The following BAZ2A variants were observed in gnomAD, a reference collection of about 807,000 sequenced individuals.
The protein encoded by BAZ2A is bromodomain adjacent to zinc finger domain protein 2A.
A neutral mutation model predicts 199.9 loss-of-function variants in BAZ2A; 34 were observed. That is an observed-to-expected ratio of 0.17 (90% confidence interval 0.13 to 0.23). The LOEUF (loss-of-function observed/expected upper bound fraction) is 0.23, where lower values mean the gene tolerates loss of function less well. Ranked by LOEUF, BAZ2A falls within the 10% of genes least tolerant of loss-of-function variation. The probability of loss-of-function intolerance (pLI) is 1.00; values close to 1 mark genes in which losing one functional copy is unlikely to be tolerated. For synonymous variants in BAZ2A, 857 were observed against 883.9 expected (o/e 0.97, Z 0.54); for missense variants, 2,002 against 2,391.1 (o/e 0.84, Z 3.39).
At chr12:56,623,026 A>G (rs1227741570) in intron 1 of BAZ2A, among the ~76,000 whole-genome samples, 1 of 152,020 alleles carries the variant, frequency 6.6e-6, no homozygotes, top group African/African-American at 2.4e-5. Flanking sequence ...CACGAGGTCA[A>G]GAGATCGAGA....
chr12:56,609,868 G>C lies in BAZ2A; in HGVS notation c.1960C>G (p.Arg654Gly). ...TTAGTCTTAGCCTTCTCAGTGTTTC[G>C]AGGTCGACCCCGTTTGCCAGTAATT... Reference protein sequence around the residue: ...QAITGKRGRPRNTEKAKTKEV... With the variant: ...QAITGKRGRPGNTEKAKTKEV... Residue 654 changes from arginine to glycine, a missense_variant, in exon 10 of 29, where the codon CGA becomes GGA. By Grantham distance (125) the Arg-to-Gly change is moderately radical. Transcript: ENST00000549884. 1.9e-6 allele frequency: 3 copies of C among 1,613,482 alleles called. No homozygotes were observed. The highest frequency in any genetic ancestry group is 2.5e-6 in the Non-Finnish European group (3 of 1,179,792).
rs560938698 is a variant in BAZ2A, at chr12:56,627,336, G to A, written c.-3+2789C>T. Among the ~76,000 whole-genome samples, 37 of 151,520 alleles carry A rather than the reference G, an allele frequency of 2.4e-4. No individual in the cohort carries two copies. The South Asian group carries it at 5.4e-3, about 22-fold the overall frequency. On this transcript the variant is annotated intron_variant, in intron 1 of 28. Transcript: ENST00000549884. ...ACAAAAATTAGCCAGGCATGGTGGC[G>A]CATGCCTGTAATTCCAGCTACTGGA...
At chr12:56,600,554 A>C (rs1156623312) in intron 23 of BAZ2A, 64 bp from the exon 24 acceptor site, 73 of 1,573,718 alleles carry the variant, frequency 4.6e-5, no homozygotes, top group Non-Finnish European at 5.9e-5. Context: ...TAGGAAAAAA[A>C]AAAACAAAAA....
Position 56,599,290 on chromosome 12 carries a change from A to G in BAZ2A, c.5241T>C (p.Tyr1747=), listed in dbSNP as rs1293957897. ...CATCACCCTCTGAGAAGTTCAGCGA[A>G]TAACCACTTTTCCGCTTCTGGCCAC... The part of the protein sequence containing the change: ...PKRGQKRKSG[Y]SLNFSEGDGR... Residue 1747 remains tyrosine (Y), a synonymous_variant, in exon 27 of 29, where the codon TAT becomes TAC. Transcript: ENST00000549884. 2.5e-6 allele frequency: 4 copies of G among 1,613,696 alleles called. No individual in the cohort carries two copies. In the South Asian group the frequency reaches 3.3e-5, roughly 13 times the overall value.
chr12:56,635,102 C>A (rs1374573633), upstream of BAZ2A: 4 of 938,410 alleles, frequency 4.3e-6, no homozygotes, highest in Non-Finnish European at 5.1e-6. The surrounding 1 kb of genome is among the most constrained non-coding windows in gnomAD (Gnocchi z 4.1). Flanking sequence ...GTGAGGACAA[C>A]CGCTCAGGAG....
Position 56,595,602 on chromosome 12 carries a change from G to A in BAZ2A, c.*3016C>T, listed in dbSNP as rs1056044202. ...TTTTAAATAAAACACAAAAGTCTAC[G>A]TCTTGGTGTCTTATCCGTGAGTGGG... On this transcript the variant is annotated 3_prime_UTR_variant, in exon 29 of 29. Coordinates refer to ENST00000549884, the MANE Select transcript of BAZ2A (RefSeq NM_001300905.2). 1.3e-5 allele frequency: 2 copies of A among 150,688 alleles called. No individual in the cohort carries two copies. Among genetic ancestry groups the A allele is most frequent in the Non-Finnish European group, 2.9e-5 (2 of 67,820 alleles). 9.3% of individuals were successfully genotyped at this position (150,688 alleles called of 1,614,324 possible).
chr12:56,599,357 T>C lies in BAZ2A; in HGVS notation c.5174A>G (p.Gln1725Arg), dbSNP rs1221906755. 3 of 1,611,872 alleles carry C rather than the reference T, an allele frequency of 1.9e-6. No homozygotes were observed. The highest frequency in any genetic ancestry group is 3.3e-5 in the Admixed American group (2 of 59,860). The change falls in exon 27 of 29, where the codon CAG becomes CGG. Residue 1725 changes from glutamine to arginine, a missense_variant and splice_region_variant. By Grantham distance (43) the Gln-to-Arg change is conservative. This residue lies in a region of BAZ2A where 122 missense variants were observed against 123.0 expected (regional missense o/e 0.99). Coordinates refer to ENST00000549884, the MANE Select transcript of BAZ2A (RefSeq NM_001300905.2). Reference protein sequence around the residue: ...DWFCTVCLAQQVEGEFTQKPG... With the variant: ...DWFCTVCLAQRVEGEFTQKPG... ...CTTCTGAGTGAATTCTCCCTCCACC[T>C]GCTTAGTATAGGAAACAGGTGAGAT...
chr12:56,626,781 C>T (rs1951107852), intron 1 of BAZ2A, among the ~76,000 whole-genome samples: 1 of 152,128 alleles, frequency 6.6e-6, no homozygotes, highest in African/African-American at 2.4e-5. Context: ...CTCTTTTAAC[C>T]CCCAACAGGG....
Position 56,635,837 on chromosome 12 carries a change from C to G in BAZ2A, c.4+345G>C, listed in dbSNP as rs920718395. 1.3e-5 allele frequency among the ~76,000 whole-genome samples: 2 copies of G among 152,114 alleles called. No homozygotes were observed. Among genetic ancestry groups the G allele is most frequent in the Non-Finnish European group, 2.9e-5 (2 of 68,024 alleles). ...CCAGCACTGCCAAAAGCCGGCTTTA[C>G]TTTTGTGGGGGCTAGCAGTGAGTAC... is the stretch of plus-strand genomic sequence containing the variant. On this transcript the variant is annotated intron_variant, in intron 1 of 29. Transcript: ENST00000379441. This position sits in a 1 kb window ranked among gnomAD's most constrained non-coding sequence, Gnocchi z 4.1.
chr12:56,596,261 G>C lies in BAZ2A; in HGVS notation c.*2357C>G, dbSNP rs1385762688. 1.3e-5 allele frequency: 2 copies of C among 152,686 alleles called. No individual in the cohort carries two copies. Among genetic ancestry groups the C allele is most frequent in the East Asian group, 3.8e-4 (2 of 5,200 alleles). 9.5% of individuals were successfully genotyped at this position (152,686 alleles called of 1,614,324 possible). A position where few individuals can be genotyped will look rare whatever the true frequency, so the allele number is the denominator to read the frequency against. On this transcript the variant is annotated 3_prime_UTR_variant, in exon 29 of 29. Coordinates refer to ENST00000549884, the MANE Select transcript of BAZ2A (RefSeq NM_001300905.2). ...TGATGGGAGGGAAGCAAAAGGGCAGGGGGTGGGTTGTCTTTTTATTTTAAA... is the reference window on the plus strand; with the variant it reads ...TGATGGGAGGGAAGCAAAAGGGCAGCGGGTGGGTTGTCTTTTTATTTTAAA...
intron 1 of BAZ2A, among the ~76,000 whole-genome samples, chr12:56,626,123 G>T (rs1951090839): frequency 6.6e-6 from 1 of 152,048 alleles, no homozygotes; most frequent in South Asian, 2.1e-4. Context: ...AAATTAGGCA[G>T]ACTGATAATA....
intron 2 of BAZ2A, among the ~76,000 whole-genome samples, chr12:56,616,611 C>T (rs1369495180): frequency 6.6e-6 from 1 of 152,102 alleles, no homozygotes; most frequent in Non-Finnish European, 1.5e-5. Flanking sequence ...CAAAAAGAAC[C>T]AAGATATTAA....
chr12:56,628,976 T>C lies in BAZ2A; in HGVS notation c.-3+1149A>G, dbSNP rs568209255. Among the ~76,000 whole-genome samples the C allele has an allele frequency of 5.9e-5, 9 of 151,930 alleles. No homozygotes were observed. In the South Asian group the frequency reaches 8.3e-4, roughly 14 times the overall value. ...AGACAGAGATGTTCTGGAGAAGGGATTGGGATACGTGAGTCAACTGAAGTT... is the reference window on the plus strand; with the variant it reads ...AGACAGAGATGTTCTGGAGAAGGGACTGGGATACGTGAGTCAACTGAAGTT... On this transcript the variant is annotated intron_variant, in intron 1 of 28. Transcript: ENST00000549884.
At position 56,630,154 on chromosome 12, in the gene BAZ2A, G is replaced by A; in HGVS notation, c.-32C>T. 1.0e-6 allele frequency: 1 copy of A among 985,588 alleles called. No individual in the cohort carries two copies. Among genetic ancestry groups the A allele is most frequent in the Non-Finnish European group, 1.2e-6 (1 of 830,032 alleles). 61.1% of individuals were successfully genotyped at this position (985,588 alleles called of 1,614,324 possible). A position where few individuals can be genotyped will look rare whatever the true frequency, so the allele number is the denominator to read the frequency against. The stretch of plus-strand genomic sequence containing the variant: ...GGCAGCGGCGTCCAGCCGGGCTCGG[G>A]GCTCGTCTCTCCCCGGGGTACAAGC... On this transcript the variant is annotated 5_prime_UTR_variant, in exon 1 of 29. Transcript: ENST00000549884.
chr12:56,604,532 A>C (rs1378336821), intron 15 of BAZ2A, 53 bp downstream of exon 15: 3 of 1,511,540 alleles, frequency 2.0e-6, no homozygotes, highest in African/African-American at 1.4e-5. Flanking sequence ...CAAGTCCTCC[A>C]CCCCATTCTG....
chr12:56,615,924 A>C (rs990170596), intron 2 of BAZ2A, among the ~76,000 whole-genome samples: 14 of 152,188 alleles, frequency 9.2e-5, no homozygotes, highest in Admixed American at 9.2e-4. Context: ...GTTTGTTTTG[A>C]GACGGAATCT....
Position 56,605,973 on chromosome 12 carries a change from C to G in BAZ2A, c.2350G>C (p.Glu784Gln). ...KKEKVKMKEK[E>Q]EVTKAKPACK... The stretch of plus-strand genomic sequence containing the variant: ...GCTGGCTTGGCTTTGGTCACCTCCT[C>G]CTTTTCCTTCATTTTTACCTTCTCC... Residue 784 changes from glutamate (E) to glutamine (Q), a missense_variant, in exon 13 of 29, where the codon GAG becomes CAG. By Grantham distance (29) the Glu-to-Gln change is conservative. Coordinates refer to ENST00000549884, the MANE Select transcript of BAZ2A (RefSeq NM_001300905.2). 2 of 1,553,190 alleles carry G rather than the reference C, an allele frequency of 1.3e-6. No individual in the cohort carries two copies. Among genetic ancestry groups the G allele is most frequent in the Non-Finnish European group, 1.7e-6 (2 of 1,147,668 alleles).
intron 2 of BAZ2A, among the ~76,000 whole-genome samples, chr12:56,616,231 T>C (rs1950719475): frequency 6.6e-6 from 1 of 152,078 alleles, no homozygotes; most frequent in Non-Finnish European, 1.5e-5. Context: ...AATGAAACTG[T>C]TTGCAGACTC....
intron 10 of BAZ2A, 126 bp downstream of exon 10, chr12:56,609,610 A>T: frequency 9.3e-7 from 1 of 1,080,574 alleles, no homozygotes; most frequent in South Asian, 1.5e-5. Context: ...GGAGAAGCTG[A>T]TTCAGATTCA....
Sources: gnomAD v4.1 joint callset for allele counts (sites outside exome capture counted in the v4.1 genomes callset) on GRCh38, gnomAD v4.1.1 for gene constraint, gnomAD v4.1.1 regional missense constraint, Gnocchi (gnomAD v3.1) non-coding constraint, MANE v1.5 for transcripts, NCBI Gene and HGNC (gene_info 2026-07-23, HGNC 2026-07-21) for gene names.